Variants in HIPK3 observed in about 807,000 individuals in gnomAD.
HIPK3 encodes the protein homeodomain-interacting protein kinase 3.
HIPK3 carries 47 observed loss-of-function variants against 124.2 expected under a neutral mutation model. The observed-to-expected ratio is 0.38, with a 90% CI of 0.30 to 0.48. The LOEUF (loss-of-function observed/expected upper bound fraction) is 0.48, where lower values mean the gene tolerates loss of function less well. Ranked by LOEUF, HIPK3 falls within the 20% of genes least tolerant of loss-of-function variation. The pLI is 0.98. For missense variants in HIPK3, 1,286 were observed against 1,454.3 expected (o/e 0.88, Z 1.88); for synonymous variants, 482 against 515.2 (o/e 0.94, Z 0.87).
rs768439196 is a variant in HIPK3 at position 33,348,763 on chromosome 11, A to G, written c.2611A>G (p.Thr871Ala). ...DSPSPAVSVI[T>A]ISSDTDEEET... ...CCCGAGTCCTGCAGTGAGTGTCATC[A>G]CTATCAGCAGTGACACTGATGAGGA... Residue 871 changes from threonine (T) to alanine (A), a missense_variant, in exon 13 of 17, where the codon ACT (threonine) becomes GCT (alanine). Coordinates refer to ENST00000303296, the MANE Select transcript of HIPK3 (RefSeq NM_005734.5). The G allele has an allele frequency of 1.2e-6, 2 of 1,614,134 alleles. No homozygotes were observed. Among genetic ancestry groups the G allele is most frequent in the Middle Eastern group, 1.6e-4 (1 of 6,062 alleles).
Position 33,352,253 on chromosome 11 carries a change from G to T in HIPK3, c.3159G>T (p.Leu1053Phe). 1.2e-6 allele frequency: 2 copies of T among 1,613,968 alleles called. No individual in the cohort carries two copies. The highest frequency in any genetic ancestry group is 1.1e-5 in the South Asian group (1 of 91,044). ...KLTSAFQQQH[L>F]NFSQVQHFGS... ...CATCAGCATTCCAGCAGCAGCATTT[G>T]AACTTCAGTCAGGTATGTTCATTTG... The change falls in exon 16 of 17, where the codon TTG (leucine) becomes TTT (phenylalanine). Residue 1053 changes from leucine to phenylalanine, a missense_variant. Physicochemically the swap from Leu to Phe is conservative, Grantham distance 22. Coordinates refer to ENST00000303296, the MANE Select transcript of HIPK3 (RefSeq NM_005734.5).
upstream of HIPK3, chr11:33,256,705 C>T: frequency 2.0e-6 from 2 of 984,122 alleles, no homozygotes; most frequent in South Asian, 4.7e-5. Flanking sequence ...AGAAACTAGT[C>T]TTTGGGAGTT....
chr11:33,348,071 G>A lies in HIPK3; in HGVS notation c.2306+58G>A, dbSNP rs1392254587. On this transcript the variant is annotated intron_variant, in intron 11 of 16. Coordinates refer to ENST00000303296, the MANE Select transcript of HIPK3 (RefSeq NM_005734.5). ...TTTGAGAATCTTTTAAATGAATTTT[G>A]CATGTACTCTAAAGGGTCACTCTGT... is the stretch of plus-strand genomic sequence containing the variant. 5.0e-6 allele frequency: 8 copies of A among 1,609,396 alleles called. No homozygotes were observed. The East Asian group carries it at 1.3e-4, about 27-fold the overall frequency.
intron 2 of HIPK3, among the ~76,000 whole-genome samples, chr11:33,290,295 T>G (rs1428710872): frequency 6.6e-6 from 1 of 152,212 alleles, no homozygotes; most frequent in Non-Finnish European, 1.5e-5. Context: ...ATAATTAGAT[T>G]TATTAGATAT....
At chr11:33,343,925 T>A (rs1853418328) in intron 8 of HIPK3, among the ~76,000 whole-genome samples, 1 of 152,210 alleles carries the variant, frequency 6.6e-6, no homozygotes, top group Non-Finnish European at 1.5e-5. Flanking sequence ...ACATTTTTAT[T>A]ACTTTCTGGT....
Position 33,353,250 on chromosome 11 carries a change from A to T in HIPK3, c.3330A>T (p.Thr1110=), listed in dbSNP as rs1251911023. 5 of 1,614,116 alleles carry T rather than the reference A, an allele frequency of 3.1e-6. 1 individual carries two copies. In the Admixed American group the frequency reaches 8.3e-5, roughly 27 times the overall value. ...TAVHAHLAGN[T]HLGGQPTLLP... ...TGCATGCCCACCTGGCTGGAAATAC[A>T]CACCTCGGAGGACAGCCTACTCTAC... is the stretch of plus-strand genomic sequence containing the variant. Residue 1110 remains threonine (T), a synonymous_variant, in exon 17 of 17, where the codon ACA becomes ACT. Coordinates refer to ENST00000303296, the MANE Select transcript of HIPK3 (RefSeq NM_005734.5).
At chr11:33,325,367 T>G (rs1852779894) in intron 2 of HIPK3, among the ~76,000 whole-genome samples, 1 of 152,226 alleles carries the variant, frequency 6.6e-6, no homozygotes, top group Admixed American at 6.5e-5. Context: ...ATTTTCCATA[T>G]TAAATATTTC....
chr11:33,257,260 G>A, upstream of HIPK3: 1 of 983,666 alleles, frequency 1.0e-6, no homozygotes. Flanking sequence ...GAGGCGCCGC[G>A]GCCGGAGCGG....
chr11:33,307,781 A>T (rs1225477810), intron 2 of HIPK3, among the ~76,000 whole-genome samples: 1 of 148,450 alleles, frequency 6.7e-6, no homozygotes. Context: ...TGTGTGTGTG[A>T]GTGAGACAGT....
intron 2 of HIPK3, 34 bp from the exon 3 acceptor site, chr11:33,328,476 C>T (rs749521665): frequency 8.4e-5 from 135 of 1,601,710 alleles, no homozygotes; most frequent in Non-Finnish European, 1.1e-4. Flanking sequence ...TAGAGAAAAA[C>T]CACCCTGATT....
In HIPK3 at chr11:33,348,625, G is replaced by A; in HGVS notation, c.2473G>A (p.Asp825Asn). The A allele has an allele frequency of 1.9e-6, 3 of 1,614,048 alleles. No individual in the cohort carries two copies. Among genetic ancestry groups the A allele is most frequent in the Non-Finnish European group, 2.5e-6 (3 of 1,179,950 alleles). ...VEEVSCIETQ[D>N]NQNSEGEARN... ...GGAAGTAAGTTGTATAGAAACACAG[G>A]ACAATCAGAACTCAGAAGGAGAGGC... The change falls in exon 13 of 17, where the codon GAC becomes AAC. Residue 825 changes from aspartate (D) to asparagine (N), a missense_variant. This residue lies in a region of HIPK3 where 810 missense variants were observed against 864.9 expected (regional missense o/e 0.94). Transcript: ENST00000303296.
intron 1 of HIPK3, among the ~76,000 whole-genome samples, chr11:33,265,610 CA>C (rs1201953426): frequency 6.6e-6 from 1 of 150,902 alleles, no homozygotes; most frequent in African/African-American, 2.4e-5. Flanking sequence ...CCCATCTCTA[CA>C]AAAAATACAA....
intron 3 of HIPK3, among the ~76,000 whole-genome samples, chr11:33,331,090 C>T (rs537316792): frequency 4.0e-4 from 61 of 152,052 alleles, no homozygotes; most frequent in African/African-American, 5.1e-4. Flanking sequence ...ATCATATTGA[C>T]GAGGCAGGTC....
At chr11:33,288,723 C>A (rs1851621816) in intron 2 of HIPK3, among the ~76,000 whole-genome samples, 1 of 152,172 alleles carries the variant, frequency 6.6e-6, no homozygotes, top group South Asian at 2.1e-4. Flanking sequence ...AAAACTCATT[C>A]TGGAGTGTAA....
intron 1 of HIPK3, among the ~76,000 whole-genome samples, chr11:33,279,997 T>G (rs1851371275): frequency 6.6e-6 from 1 of 152,062 alleles, no homozygotes; most frequent in African/African-American, 2.4e-5. Context: ...GGCGGTTAAG[T>G]TTCAACATAC....
chr11:33,330,877 T>TTTTTTC (rs891343859), intron 3 of HIPK3, among the ~76,000 whole-genome samples: 4 of 151,892 alleles, frequency 2.6e-5, no homozygotes, highest in Admixed American at 2.0e-4. Context: ...TATGTTTTTC[T>TTTTTTC]TTTTTCTTTT....
chr11:33,305,549 T>C (rs1852131795), intron 2 of HIPK3, among the ~76,000 whole-genome samples: 2 of 152,204 alleles, frequency 1.3e-5, no homozygotes, highest in Non-Finnish European at 2.9e-5. Context: ...ATTTTACAAA[T>C]AGGGACATTG....
chr11:33,334,941 AGAGGATCTGAGGTAGGGATGG>A (rs1303986837), intron 3 of HIPK3, among the ~76,000 whole-genome samples: 3 of 152,200 alleles, frequency 2.0e-5, no homozygotes. Flanking sequence ...TCAGAATTGA[AGAGGATCTGAGGTAGGGATGG>A]AGAGGAGGGG....
chr11:33,337,733 G>C (rs1321359219), intron 4 of HIPK3, among the ~76,000 whole-genome samples: 2 of 151,890 alleles, frequency 1.3e-5, no homozygotes, highest in African/African-American at 4.8e-5. Flanking sequence ...GAGCGCAGTG[G>C]TGTAATCTCG....
Sources: allele counts gnomAD v4.1 joint callset (sites outside exome capture counted in the v4.1 genomes callset), GRCh38; gene constraint gnomAD v4.1.1; regional missense constraint gnomAD v4.1.1; transcripts MANE v1.5; gene names NCBI Gene and HGNC (gene_info 2026-07-23, HGNC 2026-07-21).